The following CABLES1 variants were observed in gnomAD, a reference collection of about 807,000 sequenced individuals.
CABLES1 encodes CDK5 and ABL1 enzyme substrate 1.
In CABLES1, 36 loss-of-function variants were observed where a neutral mutation model predicts 57.8. The ratio of observed to expected loss-of-function variants is 0.62; its 90% CI spans 0.48 to 0.82. The LOEUF (loss-of-function observed/expected upper bound fraction) is 0.82, where lower values mean the gene tolerates loss of function less well. Ranked by LOEUF, CABLES1 falls within the 40% of genes least tolerant of loss-of-function variation. The probability of loss-of-function intolerance (pLI) is 0.00; values close to 1 mark genes in which losing one functional copy is unlikely to be tolerated. For missense variants in CABLES1, 767 were observed against 836.6 expected, an observed-to-expected ratio of 0.92 and a Z score of 1.03; for synonymous variants, 374 against 363.0, an observed-to-expected ratio of 1.03 and a Z score of -0.35.
At chr18:23,134,668 A>G (rs990000407), upstream of CABLES1, 8 of 152,230 alleles carry the variant, frequency 5.3e-5, no homozygotes, top group Non-Finnish European at 1.0e-4. Context: ...AGGGGAAAAG[A>G]GTGTAAGGTC....
chr18:23,185,025 T>G (rs1365555532), intron 1 of CABLES1, among the ~76,000 whole-genome samples: 1 of 152,170 alleles, frequency 6.6e-6, no homozygotes, highest in African/African-American at 2.4e-5. Context: ...TAATCTGTAA[T>G]AATGTGTGTG....
At chr18:23,181,262 G>T (rs778116453) in intron 1 of CABLES1, among the ~76,000 whole-genome samples, 1 of 152,036 alleles carries the variant, frequency 6.6e-6, no homozygotes, top group Non-Finnish European at 1.5e-5. Context: ...GGGAGGCCTC[G>T]GCGGGTGGAT....
At chr18:23,221,407 C>T (rs993010716) in intron 4 of CABLES1, among the ~76,000 whole-genome samples, 5 of 152,220 alleles carry the variant, frequency 3.3e-5, no homozygotes, top group African/African-American at 1.2e-4. Flanking sequence ...CTGAGAGACA[C>T]AGAGGCGTGG....
At chr18:23,157,783 A>G (rs1239486894) in intron 1 of CABLES1, among the ~76,000 whole-genome samples, 3 of 151,980 alleles carry the variant, frequency 2.0e-5, no homozygotes, top group African/African-American at 7.3e-5. Flanking sequence ...TGGGAGGATC[A>G]CTGTACTCCA....
intron 1 of CABLES1, among the ~76,000 whole-genome samples, chr18:23,179,664 C>T (rs530304843): frequency 4.6e-5 from 7 of 152,352 alleles, no homozygotes; most frequent in Admixed American, 3.9e-4. Context: ...CAGGGTCTAA[C>T]AAGCAGCTGC....
At chr18:23,247,514 T>C (rs980331305) in intron 7 of CABLES1, among the ~76,000 whole-genome samples, 2 of 152,184 alleles carry the variant, frequency 1.3e-5, no homozygotes, top group Non-Finnish European at 2.9e-5. Flanking sequence ...CAGTTGTGTA[T>C]CCCATGCAGC....
chr18:23,211,168 G>C (rs1210975475), intron 3 of CABLES1, among the ~76,000 whole-genome samples: 3 of 151,964 alleles, frequency 2.0e-5, no homozygotes, highest in Non-Finnish European at 1.5e-5. Context: ...GATTGCACTT[G>C]CATTTATATT....
chr18:23,144,510 G>T (rs2046879208), intron 1 of CABLES1, among the ~76,000 whole-genome samples: 1 of 152,212 alleles, frequency 6.6e-6, no homozygotes, highest in Non-Finnish European at 1.5e-5. Flanking sequence ...CCTCAGGAGG[G>T]AGGTGACTTG....
rs963006089 is a variant in CABLES1 at position 23,158,502 on chromosome 18, T to C, written c.845+21895T>C. On this transcript the variant is annotated intron_variant, in intron 1 of 9. Transcript: ENST00000256925. ...TGACCCCAAATAAATTAGGAAAATA[T>C]ATAGTACGGTTGTCATTGCATCGTA... 3.3e-5 allele frequency among the ~76,000 whole-genome samples: 5 copies of C among 152,214 alleles called. 1 individual carries two copies. Among genetic ancestry groups the C allele is most frequent in the Admixed American group, 6.5e-5 (1 of 15,288 alleles).
At chr18:23,162,841 G>C (rs775287228) in intron 1 of CABLES1, among the ~76,000 whole-genome samples, 4 of 152,176 alleles carry the variant, frequency 2.6e-5, no homozygotes, top group Non-Finnish European at 5.9e-5. Context: ...TAAGCAGCGG[G>C]AAGAGGGAAG....
chr18:23,157,491 C>G (rs892951255), intron 1 of CABLES1, among the ~76,000 whole-genome samples: 1 of 151,982 alleles, frequency 6.6e-6, no homozygotes, highest in Non-Finnish European at 1.5e-5. Context: ...ATCAGGAAGC[C>G]AAGAATCAGA....
chr18:23,192,901 G>A (rs1345815983), intron 2 of CABLES1, among the ~76,000 whole-genome samples: 1 of 152,076 alleles, frequency 6.6e-6, no homozygotes, highest in African/African-American at 2.4e-5. Flanking sequence ...ATTAAATCTG[G>A]GTTTAGTGGC....
chr18:23,151,978 G>A (rs1219765894), intron 1 of CABLES1, among the ~76,000 whole-genome samples: 3 of 152,196 alleles, frequency 2.0e-5, no homozygotes, highest in Non-Finnish European at 1.5e-5. Flanking sequence ...AATGGAGATG[G>A]ATTAGATACG....
chr18:23,164,601 T>G (rs1343370907), intron 1 of CABLES1, among the ~76,000 whole-genome samples: 2 of 151,900 alleles, frequency 1.3e-5, no homozygotes, highest in Non-Finnish European at 2.9e-5. Context: ...TGCCAGATAT[T>G]GCTCCATGCA....
At chr18:23,247,039 G>T (rs1215851814) in intron 7 of CABLES1, among the ~76,000 whole-genome samples, 1 of 152,198 alleles carries the variant, frequency 6.6e-6, no homozygotes, top group African/African-American at 2.4e-5. Context: ...TAAAGCATTG[G>T]CCTGACTTTT....
intron 1 of CABLES1, among the ~76,000 whole-genome samples, chr18:23,151,288 G>A (rs1051962451): frequency 4.0e-5 from 6 of 151,850 alleles, no homozygotes; most frequent in African/African-American, 1.2e-4. Flanking sequence ...AAAGTGCTGG[G>A]ATTACATGCG....
intron 7 of CABLES1, among the ~76,000 whole-genome samples, chr18:23,248,642 A>G (rs1259758387): frequency 2.0e-5 from 3 of 151,246 alleles, no homozygotes; most frequent in African/African-American, 7.3e-5. Flanking sequence ...AGCCTGACCA[A>G]CATGGTGAAA....
At chr18:23,252,473 C>T (rs1598884516) in intron 7 of CABLES1, among the ~76,000 whole-genome samples, 1 of 152,200 alleles carries the variant, frequency 6.6e-6, no homozygotes, top group Non-Finnish European at 1.5e-5. Flanking sequence ...ACTTCTCATA[C>T]AGTTCTCAGA....
intron 4 of CABLES1, among the ~76,000 whole-genome samples, chr18:23,225,278 T>G (rs1418333603): frequency 6.6e-6 from 1 of 152,254 alleles, no homozygotes; most frequent in Non-Finnish European, 1.5e-5. Context: ...GGATTCACCT[T>G]GAGATCTGCT....
Sources: allele counts gnomAD v4.1 joint callset (sites outside exome capture counted in the v4.1 genomes callset), GRCh38; gene constraint gnomAD v4.1.1; transcripts MANE v1.5; gene names NCBI Gene and HGNC (gene_info 2026-07-23, HGNC 2026-07-21).